The following NECTIN1 variants were observed in gnomAD, a reference collection of about 807,000 sequenced individuals.
NECTIN1 encodes the protein nectin-1.
A neutral mutation model predicts 48.0 loss-of-function variants in NECTIN1; 23 were observed. That is an observed-to-expected ratio of 0.48 (90% CI 0.34 to 0.68). The LOEUF (loss-of-function observed/expected upper bound fraction) is 0.68. Among genes scored for constraint, NECTIN1 ranks in the 30% least tolerant of loss-of-function variants. The pLI is 0.01. For missense variants in NECTIN1, 591 were observed against 709.9 expected (o/e 0.83, Z 1.90); for synonymous variants, 270 against 288.9 (o/e 0.93, Z 0.66).
rs569858333 is a variant in NECTIN1, at chr11:119,671,608, G to A, written c.1003+3551C>T. On this transcript the variant is annotated intron_variant, in intron 5 of 5. Coordinates refer to ENST00000264025, the MANE Select transcript of NECTIN1 (RefSeq NM_002855.5). ...TTTGCCTCCGAAACCAATGCCTGGC[G>A]CTTCCTCAGGCAGGAAATGCTCCGG... Among the ~76,000 whole-genome samples, 8 of 152,264 alleles carry A rather than the reference G, an allele frequency of 5.3e-5. No individual in the cohort carries two copies. The East Asian group carries it at 9.7e-4, about 18-fold the overall frequency.
At position 119,678,007 on chromosome 11, in the gene NECTIN1, GA is replaced by G. The variant is rs1347636942; in HGVS notation, c.431-151del. On this transcript the variant is annotated intron_variant, in intron 2 of 5. Coordinates refer to ENST00000264025, the MANE Select transcript of NECTIN1 (RefSeq NM_002855.5). This position sits in a 1 kb window ranked among gnomAD's most constrained non-coding sequence, Gnocchi z 4.4. ...CTGTGCTGCACCAAAGACTGTCCCAGAACCTCTTGCAGGAAGTTCATCATGT... is the reference window on the plus strand; with the variant it reads ...CTGTGCTGCACCAAAGACTGTCCCAGACCTCTTGCAGGAAGTTCATCATGT... 2 of 795,908 alleles carry G rather than the reference GA, an allele frequency of 2.5e-6. No homozygotes were observed. The highest frequency in any genetic ancestry group is 4.2e-6 in the Non-Finnish European group (2 of 472,188). 49.3% of individuals were successfully genotyped at this position (795,908 alleles called of 1,614,324 possible). A position where few individuals can be genotyped will look rare whatever the true frequency, so the allele number is the denominator to read the frequency against.
In NECTIN1 at chr11:119,673,337, T is replaced by G. The variant is rs56347108; in HGVS notation, c.1003+1822A>C. Among the ~76,000 whole-genome samples, 555 of 152,264 alleles carry G rather than the reference T, an allele frequency of 3.6e-3. 3 individuals carry two copies. Among genetic ancestry groups the G allele is most frequent in the Non-Finnish European group, 6.3e-3 (427 of 68,008 alleles). On this transcript the variant is annotated intron_variant, in intron 5 of 5. Transcript: ENST00000264025. The surrounding 1 kb of genome is among the most constrained non-coding windows in gnomAD (Gnocchi z 5.8). ...CCTATCAATGATTCAGTGAGTGCCA[T>G]GCGTCCCTGGCTCCTGCCTAACGGG...
At chr11:119,653,023 C>T (rs946055731) in intron 5 of NECTIN1, among the ~76,000 whole-genome samples, 1 of 152,102 alleles carries the variant, frequency 6.6e-6, no homozygotes, top group Non-Finnish European at 1.5e-5. Flanking sequence ...AAATAGTATA[C>T]TCGATTGTAT....
At chr11:119,703,144 T>C (rs1002328209) in intron 1 of NECTIN1, among the ~76,000 whole-genome samples, 21 of 152,132 alleles carry the variant, frequency 1.4e-4, no homozygotes, top group African/African-American at 5.1e-4. Context: ...AATTAAGAGG[T>C]AACTGACACA....
intron 1 of NECTIN1, among the ~76,000 whole-genome samples, chr11:119,705,370 C>T (rs898971168): frequency 1.3e-5 from 2 of 152,138 alleles, no homozygotes; most frequent in African/African-American, 4.8e-5. Context: ...GCAATGGCAA[C>T]CAGACAAGAA....
At chr11:119,711,037 G>C (rs971885556) in intron 1 of NECTIN1, among the ~76,000 whole-genome samples, 3 of 150,338 alleles carry the variant, frequency 2.0e-5, no homozygotes, top group Admixed American at 6.7e-5. Flanking sequence ...TCCTTTCTTG[G>C]CATGGGGGTT....
chr11:119,642,747 C>G (rs934904220), intron 5 of NECTIN1: 4 of 153,688 alleles, frequency 2.6e-5, no homozygotes, highest in East Asian at 3.9e-4. Context: ...TGCCTATAAC[C>G]TATACACATC....
intron 1 of NECTIN1, among the ~76,000 whole-genome samples, chr11:119,682,842 T>C (rs988523642): frequency 1.3e-5 from 2 of 152,160 alleles, no homozygotes; most frequent in Non-Finnish European, 2.9e-5. Context: ...ACCTACTCCA[T>C]ACTGGACACT....
At chr11:119,717,448 C>G (rs963153293) in intron 1 of NECTIN1, among the ~76,000 whole-genome samples, 1 of 151,408 alleles carries the variant, frequency 6.6e-6, no homozygotes, top group Non-Finnish European at 1.5e-5. Flanking sequence ...CCACCCTGCC[C>G]GGGAAGGGAG....
In NECTIN1 at chr11:119,664,053, C is replaced by A. The variant is rs190233531; in HGVS notation, c.*694G>T. 5.1e-6 allele frequency: 5 copies of A among 985,454 alleles called. No individual in the cohort carries two copies. In the East Asian group the frequency reaches 5.7e-4, roughly 112 times the overall value. The allele number at this position is 985,454 out of a possible 1,614,324, so 61.0% of individuals were successfully genotyped here. Reference sequence around the variant, plus strand: ...GGGCACATTGGGGATAAAGAGGGGACGCGTCAGAGCTAGGCCAACTCCACT... The same window carrying A: ...GGGCACATTGGGGATAAAGAGGGGAAGCGTCAGAGCTAGGCCAACTCCACT... On this transcript the variant is annotated 3_prime_UTR_variant, in exon 6 of 6. Coordinates refer to ENST00000264025, the MANE Select transcript of NECTIN1 (RefSeq NM_002855.5).
intron 5 of NECTIN1, among the ~76,000 whole-genome samples, chr11:119,643,716 C>T (rs908047765): frequency 2.6e-5 from 4 of 152,206 alleles, no homozygotes; most frequent in Admixed American, 6.5e-5. Flanking sequence ...CTGGTTACAC[C>T]GTGACAAATT....
rs142206052 is a variant in NECTIN1, at chr11:119,663,568, G to A, written c.*1179C>T. ...CATTGTATGGACTCCTCAGTCCCTC[G>A]GACTGTGTTTGCAGAGCTTCTGCCA... On this transcript the variant is annotated 3_prime_UTR_variant, in exon 6 of 6. Transcript: ENST00000264025. The A allele has an allele frequency of 3.7e-5, 36 of 985,516 alleles. No individual in the cohort carries two copies. In the African/African-American group the frequency reaches 5.4e-4, roughly 15 times the overall value. 61.0% of individuals were successfully genotyped at this position (985,516 alleles called of 1,614,324 possible).
rs545234412 is a variant in NECTIN1, at chr11:119,677,128, G to C, written c.825C>G (p.Pro275=). The C allele has an allele frequency of 6.2e-7, 1 of 1,614,146 alleles. No individual in the cohort carries two copies. Among genetic ancestry groups the C allele is most frequent in the South Asian group, 1.1e-5 (1 of 91,078 alleles). Residue 275 remains proline, a synonymous_variant, in exon 4 of 6, where the codon CCC becomes CCG. Transcript: ENST00000264025. The surrounding 1 kb of genome is among the most constrained non-coding windows in gnomAD (Gnocchi z 5.4). ...TGGTCCAGTGGTACTCAGTGGCTGG[G>C]GGGTTAGCATCAGCTTTGCAGGTGA... ...VKLTCKADAN[P]PATEYHWTTL...
At chr11:119,668,627 C>T (rs1199400726) in intron 5 of NECTIN1, among the ~76,000 whole-genome samples, 3 of 152,224 alleles carry the variant, frequency 2.0e-5, no homozygotes, top group African/African-American at 7.2e-5. Context: ...TTCTCTTCTC[C>T]AGTTTACCGT....
chr11:119,708,033 T>C (rs1251885056), intron 1 of NECTIN1, among the ~76,000 whole-genome samples: 1 of 152,218 alleles, frequency 6.6e-6, no homozygotes, highest in Non-Finnish European at 1.5e-5. Flanking sequence ...AAACAAATAA[T>C]GACTGAGTGA....
chr11:119,681,081 C>T (rs1363065224), intron 1 of NECTIN1, among the ~76,000 whole-genome samples: 1 of 152,236 alleles, frequency 6.6e-6, no homozygotes, highest in Non-Finnish European at 1.5e-5. Context: ...TGTGGCCCCA[C>T]TCCAGATACA....
In NECTIN1 at chr11:119,683,573, G is replaced by GGTGTGT. The variant is rs66955603; in HGVS notation, c.80-4814_80-4809dup. ...AGAAACAGGGGCTTTGGGGATCCCG[G>GGTGTGT]GTGTGTGTGTGTGTGTGTGTGTGTG... On this transcript the variant is annotated intron_variant, in intron 1 of 5. Transcript: ENST00000264025. The surrounding 1 kb of genome is among the most constrained non-coding windows in gnomAD (Gnocchi z 4.0). 2.6e-3 allele frequency among the ~76,000 whole-genome samples: 377 copies of GGTGTGT among 143,670 alleles called. No individual in the cohort carries two copies. Among genetic ancestry groups the GGTGTGT allele is most frequent in the African/African-American group, 4.6e-3 (176 of 38,480 alleles). The allele number at this position is 143,670 out of a possible 152,430, so 94.3% of individuals were successfully genotyped here. A position where few individuals can be genotyped will look rare whatever the true frequency, so the allele number is the denominator to read the frequency against.
intron 1 of NECTIN1, among the ~76,000 whole-genome samples, chr11:119,701,575 G>C (rs1004187700): frequency 1.3e-5 from 2 of 151,994 alleles, no homozygotes; most frequent in South Asian, 2.1e-4. Context: ...GTATTGTGGG[G>C]AGAGGCCAGG....
At chr11:119,705,718 G>C (rs1303608450) in intron 1 of NECTIN1, among the ~76,000 whole-genome samples, 1 of 152,256 alleles carries the variant, frequency 6.6e-6, no homozygotes, top group Non-Finnish European at 1.5e-5. Context: ...ACTGACAACT[G>C]CTGAGAATGA....
Sources: gnomAD v4.1 joint callset for allele counts (sites outside exome capture counted in the v4.1 genomes callset) on GRCh38, gnomAD v4.1.1 for gene constraint, Gnocchi (gnomAD v3.1) non-coding constraint, MANE v1.5 for transcripts, NCBI Gene and HGNC (gene_info 2026-07-23, HGNC 2026-07-21) for gene names.